Variants in MAN1A2 observed in about 807,000 individuals in gnomAD.
The protein encoded by MAN1A2 is mannosidase alpha class 1A member 2.
In MAN1A2, 26 loss-of-function variants were observed where a neutral mutation model predicts 75.7. The ratio of observed to expected loss-of-function variants is 0.34; its 90% CI spans 0.25 to 0.48. The LOEUF is 0.48. MAN1A2 is among the 20% of genes least tolerant of loss of function. MAN1A2 has a pLI of 0.99. For synonymous variants in MAN1A2, 247 were observed against 264.6 expected (o/e 0.93, Z 0.65); for missense variants, 562 against 775.5 (o/e 0.72, Z 3.27).
chr1:117,504,110 T>C, intron 12 of MAN1A2, among the ~76,000 whole-genome samples: 1 of 151,456 alleles, frequency 6.6e-6, no homozygotes, highest in East Asian at 1.9e-4. Flanking sequence ...CATCTAGATG[T>C]TTCTTATTCT....
intron 6 of MAN1A2, among the ~76,000 whole-genome samples, chr1:117,449,797 C>G (rs1649347804): frequency 6.6e-6 from 1 of 152,132 alleles, no homozygotes; most frequent in Admixed American, 6.6e-5. Context: ...GAAGGTGAAC[C>G]CAGCTACAAC....
intron 1 of MAN1A2, among the ~76,000 whole-genome samples, chr1:117,396,925 A>G (rs1214640973): frequency 1.3e-5 from 2 of 151,878 alleles, no homozygotes; most frequent in Admixed American, 6.6e-5. Flanking sequence ...TGAAGGTACT[A>G]ATCATAGAGG....
At chr1:117,439,922 C>A (rs895818516) in intron 5 of MAN1A2, among the ~76,000 whole-genome samples, 3 of 152,118 alleles carry the variant, frequency 2.0e-5, no homozygotes, top group African/African-American at 7.2e-5. Flanking sequence ...TAGTAACTTA[C>A]CAAAATTTCA....
intron 5 of MAN1A2, among the ~76,000 whole-genome samples, chr1:117,427,652 T>C (rs1401713850): frequency 6.6e-6 from 1 of 152,156 alleles, no homozygotes; most frequent in Non-Finnish European, 1.5e-5. Flanking sequence ...ACATGATAAA[T>C]ACCAACCAAA....
chr1:117,483,769 A>G (rs561502582), intron 8 of MAN1A2, among the ~76,000 whole-genome samples: 3 of 152,108 alleles, frequency 2.0e-5, no homozygotes, highest in South Asian at 2.1e-4. Flanking sequence ...TTCCAACACT[A>G]TGTTGAATAG....
chr1:117,515,227 A>G (rs1651676245), intron 12 of MAN1A2: 1 of 158,060 alleles, frequency 6.3e-6, no homozygotes, highest in Non-Finnish European at 1.4e-5. Flanking sequence ...TTTTCTTGTC[A>G]TTATTCCCTA....
At chr1:117,374,435 T>C (rs1412490940) in intron 1 of MAN1A2, among the ~76,000 whole-genome samples, 1 of 152,236 alleles carries the variant, frequency 6.6e-6, no homozygotes, top group Admixed American at 6.5e-5. Flanking sequence ...TTGCTAGAAC[T>C]TTATTCCTGT....
chr1:117,496,675 C>T, intron 9 of MAN1A2, 88 bp from the exon 10 acceptor site: 2 of 919,306 alleles, frequency 2.2e-6, no homozygotes, highest in South Asian at 1.5e-5. Context: ...ATCATATTAC[C>T]CAGGTTTTAT....
chr1:117,424,093 A>G (rs1648290050), intron 5 of MAN1A2, among the ~76,000 whole-genome samples: 1 of 152,132 alleles, frequency 6.6e-6, no homozygotes, highest in African/African-American at 2.4e-5. Flanking sequence ...ATACTTTAAT[A>G]GATTCTTCAG....
chr1:117,387,231 A>C (rs965357148), intron 1 of MAN1A2, among the ~76,000 whole-genome samples: 28 of 152,010 alleles, frequency 1.8e-4, no homozygotes, highest in Non-Finnish European at 1.9e-4. Context: ...AAAAAAAAAA[A>C]AAAACAAAGT....
intron 8 of MAN1A2, among the ~76,000 whole-genome samples, chr1:117,481,244 C>G (rs1245978378): frequency 1.3e-5 from 2 of 151,686 alleles, no homozygotes; most frequent in African/African-American, 4.8e-5. Context: ...CTCTCTACTT[C>G]AACTGTTTTT....
intron 2 of MAN1A2, among the ~76,000 whole-genome samples, chr1:117,403,971 A>G (rs10923284): frequency 0.11 from 17,156 of 152,150 alleles, 1,057 homozygotes; most frequent in Non-Finnish European, 0.14. Flanking sequence ...TGAGAGTTTT[A>G]TCATGAATGA....
At chr1:117,480,658 G>A (rs971462998) in intron 8 of MAN1A2, among the ~76,000 whole-genome samples, 1 of 151,602 alleles carries the variant, frequency 6.6e-6, no homozygotes, top group African/African-American at 2.4e-5. Context: ...TTGCATATAT[G>A]TATATTTCCA....
At chr1:117,504,385 G>T (rs1039479081) in intron 12 of MAN1A2, among the ~76,000 whole-genome samples, 53 of 148,692 alleles carry the variant, frequency 3.6e-4, no homozygotes, top group African/African-American at 1.3e-3. Context: ...TTTTCACCTA[G>T]TTTTGCCACA....
intron 10 of MAN1A2, among the ~76,000 whole-genome samples, chr1:117,497,603 C>T (rs1373082700): frequency 6.6e-6 from 1 of 151,822 alleles, no homozygotes; most frequent in Non-Finnish European, 1.5e-5. Context: ...AAAATTTTTA[C>T]TCTTTTTATG....
chr1:117,482,432 T>C (rs1650528722), intron 8 of MAN1A2, among the ~76,000 whole-genome samples: 1 of 152,088 alleles, frequency 6.6e-6, no homozygotes, highest in Non-Finnish European at 1.5e-5. Flanking sequence ...AGATGGTATC[T>C]CATTGTGGTT....
intron 4 of MAN1A2, among the ~76,000 whole-genome samples, chr1:117,416,173 ATTTC>A (rs1254435532): frequency 2.0e-5 from 3 of 152,028 alleles, no homozygotes; most frequent in Non-Finnish European, 4.4e-5. Context: ...TCCTAGTACC[ATTTC>A]TTTTCCTGCT....
At chr1:117,468,619 A>G (rs954184630) in intron 8 of MAN1A2, among the ~76,000 whole-genome samples, 2 of 152,078 alleles carry the variant, frequency 1.3e-5, no homozygotes, top group Non-Finnish European at 2.9e-5. Context: ...AATTTAATTA[A>G]CTTACATTTA....
intron 1 of MAN1A2, among the ~76,000 whole-genome samples, chr1:117,393,489 T>C (rs1387501373): frequency 7.0e-6 from 1 of 142,162 alleles, no homozygotes; most frequent in Non-Finnish European, 1.5e-5. Context: ...TTTTTTTTTG[T>C]GTGTGTGTGT....
Sources: gnomAD v4.1 joint callset for allele counts (sites outside exome capture counted in the v4.1 genomes callset) on GRCh38, gnomAD v4.1.1 for gene constraint, MANE v1.5 for transcripts, NCBI Gene and HGNC (gene_info 2026-07-23, HGNC 2026-07-21) for gene names.